The following MSI2 variants were observed in gnomAD, a reference collection of about 807,000 sequenced individuals.
The protein encoded by MSI2 is RNA-binding protein Musashi homolog 2.
Under a neutral mutation model 45.6 loss-of-function variants are expected in MSI2, and 17 were observed. The ratio of observed to expected loss-of-function variants is 0.37; its 90% CI spans 0.26 to 0.56. The LOEUF is 0.56. Ranked by LOEUF, MSI2 falls within the 20% of genes least tolerant of loss-of-function variation. MSI2 has a pLI of 0.77. For synonymous variants in MSI2, 156 were observed against 158.2 expected (o/e 0.99, Z 0.11); for missense variants, 293 against 444.2 (o/e 0.66, Z 3.06).
At chr17:57,549,552 G>T (rs879815250) in intron 7 of MSI2, among the ~76,000 whole-genome samples, 1 of 152,088 alleles carries the variant, frequency 6.6e-6, no homozygotes, top group African/African-American at 2.4e-5. Flanking sequence ...TTAGGAGCTG[G>T]GTGAATATAA....
At position 57,427,034 on chromosome 17, in the gene MSI2, A is replaced by G. The variant is rs555177236; in HGVS notation, c.405+25563A>G. ...AAGCCGGGGTGCCCCCACGGAAGGTACTGTTGAATTGCTTCGAAGGTTTCT... is the reference window on the plus strand; with the variant it reads ...AAGCCGGGGTGCCCCCACGGAAGGTGCTGTTGAATTGCTTCGAAGGTTTCT... On this transcript the variant is annotated intron_variant, in intron 6 of 13. Transcript: ENST00000284073. 3.9e-5 allele frequency among the ~76,000 whole-genome samples: 6 copies of G among 152,346 alleles called. No individual in the cohort carries two copies. The South Asian group carries it at 1.2e-3, about 32-fold the overall frequency.
chr17:57,642,882 T>C (rs1316390529), intron 10 of MSI2, among the ~76,000 whole-genome samples: 1 of 152,052 alleles, frequency 6.6e-6, no homozygotes, highest in African/African-American at 2.4e-5. Flanking sequence ...TGGGGAGGGA[T>C]TTAGTGATTC....
chr17:57,462,327 G>C (rs1176980557), intron 6 of MSI2, among the ~76,000 whole-genome samples: 2 of 152,196 alleles, frequency 1.3e-5, no homozygotes, highest in Non-Finnish European at 2.9e-5. Flanking sequence ...TCACCTTACT[G>C]TGTGGGTCCC....
intron 3 of MSI2, among the ~76,000 whole-genome samples, chr17:57,258,057 C>T (rs537879872): frequency 6.6e-6 from 1 of 152,234 alleles, no homozygotes; most frequent in African/African-American, 2.4e-5. Context: ...CTCCACCCTC[C>T]CTGCCCCCGT....
intron 5 of MSI2, among the ~76,000 whole-genome samples, chr17:57,388,001 G>A (rs978012547): frequency 3.9e-5 from 6 of 152,178 alleles, no homozygotes; most frequent in African/African-American, 7.2e-5. Flanking sequence ...TTACAGGATC[G>A]GGTTGCCTGA....
At chr17:57,629,387 C>G (rs1193839640) in intron 10 of MSI2, 1 of 150,228 alleles carries the variant, frequency 6.7e-6, no homozygotes, top group Non-Finnish European at 1.5e-5. Flanking sequence ...CGAGATCACA[C>G]CACTATACTC....
the MSI2 span, among the ~76,000 whole-genome samples, chr17:57,693,391 A>T: frequency 7.0e-6 from 1 of 143,024 alleles, no homozygotes; most frequent in African/African-American, 2.7e-5. Context: ...CATGTTGGCC[A>T]GGCTGGTCTC....
intron 10 of MSI2, chr17:57,629,104 C>G (rs1909104395): frequency 6.6e-6 from 1 of 152,306 alleles, no homozygotes; most frequent in Non-Finnish European, 1.5e-5. Context: ...TACAATAACA[C>G]TAGCCACAAA....
chr17:57,402,031 T>A (rs1237700659), intron 6 of MSI2, among the ~76,000 whole-genome samples: 1 of 152,146 alleles, frequency 6.6e-6, no homozygotes, highest in African/African-American at 2.4e-5. Context: ...GGGCTCTGCT[T>A]CTGGAACAGG....
intron 6 of MSI2, among the ~76,000 whole-genome samples, chr17:57,471,729 C>T (rs1430065528): frequency 1.3e-5 from 2 of 152,172 alleles, no homozygotes; most frequent in Non-Finnish European, 2.9e-5. Context: ...GTGCTGCCCC[C>T]AGCCTGGGGC....
chr17:57,645,445 T>G (rs901505265), intron 10 of MSI2, among the ~76,000 whole-genome samples: 2 of 151,972 alleles, frequency 1.3e-5, no homozygotes, highest in African/African-American at 4.8e-5. Context: ...TTTTTGGTTT[T>G]TTTTTTTTGA....
In MSI2 at chr17:57,681,753, A is replaced by G. The variant is rs1372902764; in HGVS notation, c.*2236A>G. 1.0e-5 allele frequency: 2 copies of G among 192,812 alleles called. No homozygotes were observed. Among genetic ancestry groups the G allele is most frequent in the African/African-American group, 4.7e-5 (2 of 42,974 alleles). The allele number at this position is 192,812 out of a possible 1,614,324, so 11.9% of individuals were successfully genotyped here. A position where few individuals can be genotyped will look rare whatever the true frequency, so the allele number is the denominator to read the frequency against. On this transcript the variant is annotated 3_prime_UTR_variant, in exon 14 of 14. Coordinates refer to ENST00000284073, the MANE Select transcript of MSI2 (RefSeq NM_138962.4). ...CTTTTCCCCCAAACAACCAGATTAAATGCTGAGCGCTTTTAAAATATCAAA... is the reference window on the plus strand; with the variant it reads ...CTTTTCCCCCAAACAACCAGATTAAGTGCTGAGCGCTTTTAAAATATCAAA...
intron 7 of MSI2, among the ~76,000 whole-genome samples, chr17:57,577,637 T>A (rs6503816): frequency 0.46 from 70,265 of 152,066 alleles, 16,447 homozygotes; most frequent in Admixed American, 0.52. Flanking sequence ...AGCCCCCTAC[T>A]TGCTGAAGAT....
At chr17:57,574,189 C>T (rs1381534646) in intron 7 of MSI2, among the ~76,000 whole-genome samples, 1 of 152,208 alleles carries the variant, frequency 6.6e-6, no homozygotes, top group Non-Finnish European at 1.5e-5. Context: ...GCCGCTGCTC[C>T]TCTGGGGAAA....
chr17:57,528,261 G>T (rs978660649), intron 6 of MSI2, among the ~76,000 whole-genome samples: 2 of 152,166 alleles, frequency 1.3e-5, no homozygotes, highest in African/African-American at 4.8e-5. Flanking sequence ...GTGCTCTGTG[G>T]GATAAAGGAG....
At chr17:57,441,352 C>T (rs759420177) in intron 6 of MSI2, among the ~76,000 whole-genome samples, 4 of 152,182 alleles carry the variant, frequency 2.6e-5, no homozygotes, top group Non-Finnish European at 4.4e-5. Flanking sequence ...CTCCTAAATC[C>T]CTTGGGAGGT....
chr17:57,291,766 A>G (rs1244920637), intron 5 of MSI2, among the ~76,000 whole-genome samples: 3 of 152,230 alleles, frequency 2.0e-5, no homozygotes, highest in African/African-American at 4.8e-5. Context: ...GCTTGTGGCC[A>G]GAAGTTTAAG....
chr17:57,346,350 G>T (rs201731714), intron 5 of MSI2, among the ~76,000 whole-genome samples: 21 of 90,894 alleles, frequency 2.3e-4, no homozygotes, highest in African/African-American at 5.9e-4. Flanking sequence ...ACACATTTTG[G>T]GGGGGGGGGT....
At chr17:57,595,696 G>A (rs986759915) in intron 7 of MSI2, among the ~76,000 whole-genome samples, 2 of 151,922 alleles carry the variant, frequency 1.3e-5, no homozygotes, top group Non-Finnish European at 2.9e-5. Context: ...CCATCACATT[G>A]GGAGTTTGGA....
Sources: allele counts gnomAD v4.1 joint callset (sites outside exome capture counted in the v4.1 genomes callset), GRCh38; gene constraint gnomAD v4.1.1; transcripts MANE v1.5; gene names NCBI Gene and HGNC (gene_info 2026-07-23, HGNC 2026-07-21).